F13A1: variants seen among roughly 807,000 people sequenced by gnomAD.
The protein encoded by F13A1 is coagulation factor XIII A chain, also known as FSF, A subunit.
In F13A1, 47 loss-of-function variants were observed where a neutral mutation model predicts 80.1. That is an observed-to-expected ratio of 0.59 (90% confidence interval 0.46 to 0.75). The LOEUF is 0.75. Ranked by LOEUF, F13A1 falls within the 30% of genes least tolerant of loss-of-function variation. The probability of loss-of-function intolerance (pLI) is 0.00; values close to 1 mark genes in which losing one functional copy is unlikely to be tolerated. For missense variants in F13A1, 817 were observed against 930.4 expected (o/e 0.88, Z 1.59); for synonymous variants, 349 against 344.9 (o/e 1.01, Z -0.13).
intron 1 of F13A1, 95 bp from the exon 2 acceptor site, chr6:6,318,777 T>G: frequency 7.7e-7 from 1 of 1,305,312 alleles, no homozygotes; most frequent in Non-Finnish European, 1.1e-6. Flanking sequence ...CAGATATATC[T>G]GTGTGTGATA....
chr6:6,249,335 T>C (rs954104777), intron 5 of F13A1, among the ~76,000 whole-genome samples: 3 of 152,212 alleles, frequency 2.0e-5, no homozygotes, highest in Non-Finnish European at 4.4e-5. Context: ...GTTCTTCAGG[T>C]ATGCAAATAG....
intron 5 of F13A1, among the ~76,000 whole-genome samples, chr6:6,249,444 T>C (rs866226476): frequency 3.9e-5 from 6 of 152,220 alleles, no homozygotes; most frequent in Non-Finnish European, 8.8e-5. Context: ...ATAGAACGGA[T>C]TGATTCCCTG....
At chr6:6,163,607 C>T (rs997138310) in intron 13 of F13A1, among the ~76,000 whole-genome samples, 6 of 152,112 alleles carry the variant, frequency 3.9e-5, no homozygotes, top group Admixed American at 2.0e-4. Flanking sequence ...TTTTCTCTTC[C>T]TGTGTTAGTT....
chr6:6,155,658 T>C (rs144617383), intron 13 of F13A1, among the ~76,000 whole-genome samples: 356 of 152,252 alleles, frequency 2.3e-3, no homozygotes, highest in Non-Finnish European at 4.4e-3. Context: ...CATCACTGTG[T>C]TCTGCTTGGG....
chr6:6,182,147 AACAGGAG>A lies in F13A1; in HGVS notation c.1306-13_1306-7del. The A allele has an allele frequency of 6.2e-7, 1 of 1,613,906 alleles. No individual in the cohort carries two copies. The highest frequency in any genetic ancestry group is 8.5e-7 in the Non-Finnish European group (1 of 1,179,978). Reference sequence around the variant, plus strand: ...TAAATGAGGTCGCTGTTGACCTGGAAACAGGAGAGGAGAGCATTAGCCATCATCACAT... The same window carrying A: ...TAAATGAGGTCGCTGTTGACCTGGAAAGGAGAGCATTAGCCATCATCACAT... On this transcript the variant is annotated splice_region_variant and splice_polypyrimidine_tract_variant and intron_variant, in intron 10 of 14. Coordinates refer to ENST00000264870, the MANE Select transcript of F13A1 (RefSeq NM_000129.4).
chr6:6,258,994 C>T (rs1011885760), intron 4 of F13A1, among the ~76,000 whole-genome samples: 8 of 152,146 alleles, frequency 5.3e-5, no homozygotes, highest in Admixed American at 2.0e-4. Flanking sequence ...TTATTAGGAG[C>T]TCATTTGTAA....
intron 3 of F13A1, among the ~76,000 whole-genome samples, chr6:6,274,249 T>C (rs1757958376): frequency 6.6e-6 from 1 of 152,250 alleles, no homozygotes; most frequent in East Asian, 1.9e-4. Context: ...GGAAGCTAGG[T>C]ACTTGTTAAG....
chr6:6,214,386 C>T (rs545451108), intron 8 of F13A1, among the ~76,000 whole-genome samples: 10 of 148,452 alleles, frequency 6.7e-5, no homozygotes, highest in East Asian at 1.9e-4. Flanking sequence ...CACTCAAAAC[C>T]GCTCAACTAC....
At chr6:6,232,664 G>A (rs1367101723) in intron 6 of F13A1, among the ~76,000 whole-genome samples, 1 of 151,506 alleles carries the variant, frequency 6.6e-6, no homozygotes, top group Non-Finnish European at 1.5e-5. Flanking sequence ...CTAATCAACA[G>A]TGCATAAAAC....
intron 13 of F13A1, among the ~76,000 whole-genome samples, chr6:6,155,142 A>C (rs556078777): frequency 6.6e-6 from 1 of 152,180 alleles, no homozygotes; most frequent in African/African-American, 2.4e-5. Flanking sequence ...ACCCTAGATT[A>C]AGAACCCTTC....
chr6:6,242,239 C>G (rs1028053502), intron 6 of F13A1, among the ~76,000 whole-genome samples: 3 of 152,162 alleles, frequency 2.0e-5, no homozygotes, highest in African/African-American at 7.2e-5. Context: ...AATCCAGGAC[C>G]TACTCCGAAT....
rs566852352 is a variant in F13A1, at chr6:6,314,607, T to G, written c.130+3928A>C. ...CCCCACTCCACCACACCGCTAGACA[T>G]TGATTTCTGTTATTTCACTGCAATT... is the stretch of plus-strand genomic sequence containing the variant. On this transcript the variant is annotated intron_variant, in intron 2 of 14. Coordinates refer to ENST00000264870, the MANE Select transcript of F13A1 (RefSeq NM_000129.4). Among the ~76,000 whole-genome samples the G allele has an allele frequency of 6.6e-4, 100 of 152,302 alleles. 2 individuals carry two copies. Among genetic ancestry groups the G allele is most frequent in the South Asian group, 6.2e-4 (3 of 4,822 alleles).
At chr6:6,274,203 G>A (rs527615445) in intron 3 of F13A1, among the ~76,000 whole-genome samples, 12 of 152,314 alleles carry the variant, frequency 7.9e-5, no homozygotes, top group Non-Finnish European at 1.5e-4. Context: ...CATGATGTTT[G>A]GAACGTAGTA....
At chr6:6,205,419 C>T (rs765717344) in intron 8 of F13A1, among the ~76,000 whole-genome samples, 1 of 152,188 alleles carries the variant, frequency 6.6e-6, no homozygotes, top group Non-Finnish European at 1.5e-5. Flanking sequence ...TGCAGTTCTA[C>T]CAGGGCATCC....
intron 13 of F13A1, among the ~76,000 whole-genome samples, chr6:6,160,786 A>T (rs1315457519): frequency 2.0e-5 from 3 of 152,220 alleles, no homozygotes; most frequent in African/African-American, 7.2e-5. Flanking sequence ...TAATGGACAA[A>T]ATAAATACAG....
intron 2 of F13A1, among the ~76,000 whole-genome samples, chr6:6,310,147 G>A (rs1758569555): frequency 6.6e-6 from 1 of 152,148 alleles, no homozygotes; most frequent in Non-Finnish European, 1.5e-5. Context: ...ATGGGATATT[G>A]ACAGGTATTG....
chr6:6,186,918 TCTC>T lies in F13A1; in HGVS notation c.1306-4780_1306-4778del, dbSNP rs1321182455. On this transcript the variant is annotated intron_variant, in intron 10 of 14. Transcript: ENST00000264870. ...ATTTCCTTGAGCAGTGGTTTGTAGT[TCTC>T]CTTGAAGAGGTCCTTCACATCCCTT... Among the ~76,000 whole-genome samples, 3 of 141,158 alleles carry T rather than the reference TCTC, an allele frequency of 2.1e-5. No individual in the cohort carries two copies. In the East Asian group the frequency reaches 6.1e-4, roughly 29 times the overall value. 92.6% of individuals were successfully genotyped at this position (141,158 alleles called of 152,430 possible).
rs539178454 is a variant in F13A1 at position 6,250,247 on chromosome 6, A to C, written c.690+564T>G. ...TCCATTGTTAAAGATACCAAACTGA[A>C]ATAGTTTGAATGACTGAACATCTTA... On this transcript the variant is annotated intron_variant, in intron 5 of 14. Transcript: ENST00000264870. The surrounding 1 kb of genome is among the most constrained non-coding windows in gnomAD (Gnocchi z 4.2). Among the ~76,000 whole-genome samples the C allele has an allele frequency of 2.0e-4, 30 of 152,308 alleles. No individual in the cohort carries two copies. The highest frequency in any genetic ancestry group is 3.5e-4 in the Non-Finnish European group (24 of 68,036).
chr6:6,221,865 C>G (rs554182824), intron 8 of F13A1, among the ~76,000 whole-genome samples, 168 bp downstream of exon 8: 1 of 152,190 alleles, frequency 6.6e-6, no homozygotes, highest in Non-Finnish European at 1.5e-5. Context: ...TCTTCAGTAA[C>G]ATTTCTAATC....
Sources: gnomAD v4.1 joint callset for allele counts (sites outside exome capture counted in the v4.1 genomes callset) on GRCh38, gnomAD v4.1.1 for gene constraint, Gnocchi (gnomAD v3.1) non-coding constraint, MANE v1.5 for transcripts, NCBI Gene and HGNC (gene_info 2026-07-23, HGNC 2026-07-21) for gene names.